The following MAP3K10 variants were observed in gnomAD, a reference collection of about 807,000 sequenced individuals.
MAP3K10 encodes the protein mitogen-activated protein kinase kinase kinase 10.
A neutral mutation model predicts 75.0 loss-of-function variants in MAP3K10; 22 were observed. The observed-to-expected ratio is 0.29, with a 90% CI of 0.21 to 0.42. The LOEUF (loss-of-function observed/expected upper bound fraction) is 0.42. Ranked by LOEUF, MAP3K10 falls within the 10% of genes least tolerant of loss-of-function variation. The pLI, the probability that MAP3K10 is intolerant of heterozygous loss-of-function variation, is 1.00. For missense variants in MAP3K10, 1,165 were observed against 1,379.8 expected (o/e 0.84, Z 2.47); for synonymous variants, 599 against 612.9 (o/e 0.98, Z 0.34).
intron 5 of MAP3K10, chr19:40,206,389 A>T: frequency 2.4e-6 from 1 of 409,920 alleles, no homozygotes; most frequent in Non-Finnish European, 4.2e-6. Flanking sequence ...GGCAACATAG[A>T]CCCCATATTT....
At chr19:40,211,077 G>A (rs931572951) in intron 6 of MAP3K10, among the ~76,000 whole-genome samples, 7 of 152,230 alleles carry the variant, frequency 4.6e-5, no homozygotes, top group African/African-American at 1.7e-4. Context: ...GGGAGGAGGT[G>A]AGGTTTGAGC....
In MAP3K10 at chr19:40,198,442, C is replaced by T. The variant is rs977288393; in HGVS notation, c.750C>T (p.Gly250=). 5.0e-6 allele frequency: 8 copies of T among 1,614,078 alleles called. No homozygotes were observed. In the Admixed American group the frequency reaches 1.2e-4, roughly 24 times the overall value. Residue 250 remains glycine (G), a synonymous_variant, in exon 2 of 10, where the codon GGC becomes GGT. Coordinates refer to ENST00000253055, the MANE Select transcript of MAP3K10 (RefSeq NM_002446.4). This position sits in a 1 kb window ranked among gnomAD's most constrained non-coding sequence, Gnocchi z 4.3. ...CGGTGCTCAAGATCACGGACTTCGGCCTCGCCCGCGAGTGGCACAAGACCA... is the reference window on the plus strand; with the variant it reads ...CGGTGCTCAAGATCACGGACTTCGGTCTCGCCCGCGAGTGGCACAAGACCA... ...ADTVLKITDF[G]LAREWHKTTK...
chr19:40,191,681 G>T lies in MAP3K10; in HGVS notation c.-351G>T, dbSNP rs914185682. On this transcript the variant is annotated 5_prime_UTR_variant, in exon 1 of 10. Transcript: ENST00000253055. ...GCGCGGGGTGAGCGGCGCGGGGAAC[G>T]GGGACTGCCTGCCGCCCTCGCCCTC... 5.4e-6 allele frequency: 1 copy of T among 184,892 alleles called. No homozygotes were observed. Among genetic ancestry groups the T allele is most frequent in the African/African-American group, 2.4e-5 (1 of 42,544 alleles). The allele number at this position is 184,892 out of a possible 1,614,324, so 11.5% of individuals were successfully genotyped here.
intron 6 of MAP3K10, among the ~76,000 whole-genome samples, chr19:40,210,034 G>A (rs1427155917): frequency 3.3e-5 from 5 of 151,988 alleles, no homozygotes; most frequent in African/African-American, 4.8e-5. Flanking sequence ...TTGGGAGGCC[G>A]AGGCAGGCGG....
intron 2 of MAP3K10, among the ~76,000 whole-genome samples, chr19:40,200,694 C>T (rs1316006638): frequency 6.9e-6 from 1 of 145,548 alleles, no homozygotes; most frequent in Non-Finnish European, 1.5e-5. Context: ...TCTCAGCTCA[C>T]TGCACCCTCC....
At chr19:40,209,429 G>T (rs1229168206) in intron 6 of MAP3K10, among the ~76,000 whole-genome samples, 1 of 146,704 alleles carries the variant, frequency 6.8e-6, no homozygotes, top group African/African-American at 2.6e-5. Context: ...TTTTTTTGGA[G>T]ACAGACAGAG....
intron 6 of MAP3K10, among the ~76,000 whole-genome samples, chr19:40,209,915 T>C (rs530645905): frequency 1.3e-5 from 2 of 152,144 alleles, no homozygotes; most frequent in African/African-American, 4.8e-5. Context: ...GAGGATTGCT[T>C]GAGCCTAGGA....
Position 40,215,054 on chromosome 19 carries a change from G to A in MAP3K10, c.2627G>A (p.Gly876Asp), listed in dbSNP as rs754066669. The change falls in exon 10 of 10, where the codon GGC becomes GAC. Residue 876 changes from glycine to aspartate, a missense_variant. Physicochemically the swap from Gly to Asp is moderately conservative, Grantham distance 94. This residue lies in a region of MAP3K10 where 590 missense variants were observed against 586.6 expected (regional missense o/e 1.01). Coordinates refer to ENST00000253055, the MANE Select transcript of MAP3K10 (RefSeq NM_002446.4). The stretch of plus-strand genomic sequence containing the variant: ...CGCCGCCGGCCCCCTGAGTTCCCAG[G>A]CCGCCCCACCACCCTGACCTTTGCC... ...PARRRPPEFP[G>D]RPTTLTFAPR... 18 of 1,603,816 alleles carry A rather than the reference G, an allele frequency of 1.1e-5. No homozygotes were observed. Among genetic ancestry groups the A allele is most frequent in the Non-Finnish European group, 1.5e-5 (18 of 1,175,594 alleles).
In MAP3K10 at chr19:40,198,002, T is replaced by A. The variant is rs556513613; in HGVS notation, c.683-373T>A. Among the ~76,000 whole-genome samples the A allele has an allele frequency of 1.3e-3, 205 of 152,210 alleles. 1 individual carries two copies. Among genetic ancestry groups the A allele is most frequent in the African/African-American group, 4.7e-3 (196 of 41,542 alleles). ...ATGCACCACCACACCCAGGTATTTT[T>A]AAAAAGTTTTTGTAGAGATGAGGTC... On this transcript the variant is annotated intron_variant, in intron 1 of 9. Coordinates refer to ENST00000253055, the MANE Select transcript of MAP3K10 (RefSeq NM_002446.4). This position sits in a 1 kb window ranked among gnomAD's most constrained non-coding sequence, Gnocchi z 4.3.
chr19:40,191,477 G>A lies in MAP3K10; in HGVS notation c.-555G>A, dbSNP rs1972809322. On this transcript the variant is annotated 5_prime_UTR_variant, in exon 1 of 10. Transcript: ENST00000253055. ...GGGAAGCAGCACGGGCGGGGGGCAG[G>A]GGCTGGGGCCGACCGGGAGGCCGGT... is the stretch of plus-strand genomic sequence containing the variant. 6.6e-6 allele frequency among the ~76,000 whole-genome samples: 1 copy of A among 151,500 alleles called. No individual in the cohort carries two copies. The highest frequency in any genetic ancestry group is 2.0e-4 in the East Asian group (1 of 5,122).
At chr19:40,214,561 C>T (rs927148738) in intron 9 of MAP3K10, among the ~76,000 whole-genome samples, 1 of 152,194 alleles carries the variant, frequency 6.6e-6, no homozygotes, top group African/African-American at 2.4e-5. Context: ...TAAGTACCCA[C>T]GTCAGGCACT....
intron 1 of MAP3K10, among the ~76,000 whole-genome samples, chr19:40,193,210 C>T (rs181106795): frequency 9.4e-4 from 143 of 152,304 alleles, no homozygotes; most frequent in African/African-American, 3.2e-3. Context: ...ATGTCATTAG[C>T]ATTCCCTGCC....
Position 40,213,541 on chromosome 19 carries a change from G to T in MAP3K10, c.1862G>T (p.Gly621Val), listed in dbSNP as rs745393957. ...GAGGAGTTCGCGGAGGCAGAGGATG[G>T]AGGCAGCAGCGTGCCCCCTTCCCCC... is the stretch of plus-strand genomic sequence containing the variant. Reference protein sequence around the residue: ...EMEEFAEAEDGGSSVPPSPYS... With the variant: ...EMEEFAEAEDVGSSVPPSPYS... Residue 621 changes from glycine (G) to valine (V), a missense_variant, in exon 9 of 10, where the codon GGA becomes GTA. Transcript: ENST00000253055. The surrounding 1 kb of genome is among the most constrained non-coding windows in gnomAD (Gnocchi z 5.7). 7 of 1,612,234 alleles carry T rather than the reference G, an allele frequency of 4.3e-6. No individual in the cohort carries two copies. Among genetic ancestry groups the T allele is most frequent in the Non-Finnish European group, 5.9e-6 (7 of 1,179,504 alleles).
intron 2 of MAP3K10, among the ~76,000 whole-genome samples, chr19:40,202,044 T>C (rs958917594): frequency 3.3e-5 from 5 of 151,038 alleles, no homozygotes; most frequent in Non-Finnish European, 7.4e-5. Context: ...ATGGCACCCC[T>C]TCTTTTTATT....
At position 40,192,328 on chromosome 19, in the gene MAP3K10, G is replaced by A. The variant is rs55987909; in HGVS notation, c.297G>A (p.Gln99=). The A allele has an allele frequency of 1.9e-5, 30 of 1,611,688 alleles. No individual in the cohort carries two copies. In the Admixed American group the frequency reaches 4.2e-4, roughly 22 times the overall value. ...LPQEIPFHEL[Q]LEEIIGVGGF... Reference sequence around the variant, plus strand: ...AGGAGATCCCCTTCCACGAGCTGCAGCTAGAGGAGATCATCGGTGTGGGGG... The same window carrying A: ...AGGAGATCCCCTTCCACGAGCTGCAACTAGAGGAGATCATCGGTGTGGGGG... Residue 99 remains glutamine (Q), a synonymous_variant, in exon 1 of 10, where the codon CAG becomes CAA. Transcript: ENST00000253055. The surrounding 1 kb of genome is among the most constrained non-coding windows in gnomAD (Gnocchi z 7.1).
At chr19:40,214,621 G>A (rs567928428) in intron 9 of MAP3K10, among the ~76,000 whole-genome samples, 14 of 152,262 alleles carry the variant, frequency 9.2e-5, no homozygotes, top group African/African-American at 3.4e-4. Flanking sequence ...TCACCTGCGT[G>A]GTGAGGCACC....
Position 40,207,898 on chromosome 19 carries a change from A to AT in MAP3K10, c.1436-1194dup, listed in dbSNP as rs71171549. On this transcript the variant is annotated intron_variant, in intron 5 of 9. Coordinates refer to ENST00000253055, the MANE Select transcript of MAP3K10 (RefSeq NM_002446.4). ...TTTGGACAGTAAATTTTCATTAAAAATTTTTTTTTTTCTGAGATGGGGTCT... is the reference window on the plus strand; with the variant it reads ...TTTGGACAGTAAATTTTCATTAAAAATTTTTTTTTTTTCTGAGATGGGGTCT... Among the ~76,000 whole-genome samples, 1,246 of 149,662 alleles carry AT rather than the reference A, an allele frequency of 8.3e-3. 8 individuals carry two copies. Among genetic ancestry groups the AT allele is most frequent in the Middle Eastern group, 0.014 (4 of 288 alleles).
At chr19:40,214,771 G>C (rs1253959999) in intron 9 of MAP3K10, among the ~76,000 whole-genome samples, 199 bp from the exon 10 acceptor site, 2 of 152,162 alleles carry the variant, frequency 1.3e-5, no homozygotes, top group Non-Finnish European at 2.9e-5. Flanking sequence ...GGTCCACCCA[G>C]AGGAGCAAGC....
chr19:40,199,589 GAAGA>G (rs773921133), intron 2 of MAP3K10, among the ~76,000 whole-genome samples: 2 of 152,190 alleles, frequency 1.3e-5, no homozygotes, highest in African/African-American at 4.8e-5. Flanking sequence ...TGCAGGCAAG[GAAGA>G]GAGAGGTAGG....
Sources: gnomAD v4.1 joint callset for allele counts (sites outside exome capture counted in the v4.1 genomes callset) on GRCh38, gnomAD v4.1.1 for gene constraint, gnomAD v4.1.1 regional missense constraint, Gnocchi (gnomAD v3.1) non-coding constraint, MANE v1.5 for transcripts, NCBI Gene and HGNC (gene_info 2026-07-23, HGNC 2026-07-21) for gene names.